GRIK1: variants seen among roughly 807,000 people sequenced by gnomAD.
The protein encoded by GRIK1 is glutamate ionotropic receptor kainate type subunit 1.
Under a neutral mutation model 105.7 loss-of-function variants are expected in GRIK1, and 69 were observed. The ratio of observed to expected loss-of-function variants is 0.65; its 90% CI spans 0.54 to 0.80. GRIK1 has a LOEUF of 0.80. Among genes scored for constraint, GRIK1 ranks in the 30% least tolerant of loss-of-function variants. The pLI is 0.00. For missense variants in GRIK1, 1,109 were observed against 1,167.3 expected, an observed-to-expected ratio of 0.95 and a Z score of 0.73; for synonymous variants, 438 against 431.3, an observed-to-expected ratio of 1.02 and a Z score of -0.19.
chr21:29,709,308 T>G (rs1174756180), intron 1 of GRIK1, among the ~76,000 whole-genome samples: 1 of 143,356 alleles, frequency 7.0e-6, no homozygotes, highest in Non-Finnish European at 1.5e-5. Context: ...TGAGACAGAG[T>G]CTAGCTCTGT....
intron 1 of GRIK1, among the ~76,000 whole-genome samples, chr21:29,701,333 C>A (rs2146768924): frequency 6.6e-6 from 1 of 152,082 alleles, no homozygotes; most frequent in South Asian, 2.1e-4. Flanking sequence ...CACTTTTGAG[C>A]AAAAGCCTAA....
intron 1 of GRIK1, among the ~76,000 whole-genome samples, chr21:29,807,619 A>T (rs1433119397): frequency 6.6e-6 from 1 of 152,088 alleles, no homozygotes; most frequent in Admixed American, 6.6e-5. Flanking sequence ...AATAATTTTT[A>T]AAATCTATAA....
At chr21:29,541,184 T>C (rs917568148) in intron 16 of GRIK1, among the ~76,000 whole-genome samples, 15 of 152,312 alleles carry the variant, frequency 9.8e-5, no homozygotes, top group African/African-American at 3.6e-4. Flanking sequence ...GCCGGGATGG[T>C]CTTGATCTCC....
chr21:29,926,099 A>G (rs1326414281), intron 1 of GRIK1, among the ~76,000 whole-genome samples: 3 of 48,850 alleles, frequency 6.1e-5, no homozygotes, highest in African/African-American at 2.5e-4. Context: ...CTAGATCATA[A>G]AAAGCTAAAA....
At chr21:29,848,029 T>C (rs1190669452) in intron 1 of GRIK1, among the ~76,000 whole-genome samples, 2 of 151,470 alleles carry the variant, frequency 1.3e-5, no homozygotes, top group African/African-American at 4.9e-5. Flanking sequence ...CTCTCTCAGT[T>C]ACCCAGGGTT....
chr21:29,796,019 A>G (rs1183422297), intron 1 of GRIK1, among the ~76,000 whole-genome samples: 1 of 152,194 alleles, frequency 6.6e-6, no homozygotes, highest in Non-Finnish European at 1.5e-5. Context: ...TAAGATGGAC[A>G]CAATTTGTTT....
intron 7 of GRIK1, among the ~76,000 whole-genome samples, chr21:29,628,223 T>C (rs945714782): frequency 3.9e-5 from 6 of 152,312 alleles, no homozygotes; most frequent in African/African-American, 1.2e-4. Flanking sequence ...ACAATAATGG[T>C]GATGAAAATA....
At chr21:29,636,042 G>A (rs2146502122) in intron 7 of GRIK1, among the ~76,000 whole-genome samples, 1 of 152,306 alleles carries the variant, frequency 6.6e-6, no homozygotes, top group South Asian at 2.1e-4. Flanking sequence ...AAAGCACAGA[G>A]CAGCCCAGCC....
chr21:29,686,828 C>A (rs1159280523), intron 3 of GRIK1, among the ~76,000 whole-genome samples: 2 of 152,324 alleles, frequency 1.3e-5, no homozygotes, highest in East Asian at 3.9e-4. Context: ...ATATGCCACA[C>A]ACTGCAGTTG....
intron 1 of GRIK1, among the ~76,000 whole-genome samples, chr21:29,741,806 G>A (rs1392483479): frequency 1.3e-5 from 2 of 152,160 alleles, no homozygotes; most frequent in East Asian, 1.9e-4. Context: ...TGTTTCCACA[G>A]GTCGAGTGGT....
chr21:29,833,860 A>G (rs467445), intron 1 of GRIK1, among the ~76,000 whole-genome samples: 59,139 of 152,078 alleles, frequency 0.39, 12,589 homozygotes, highest in East Asian at 0.7. Context: ...CTTAACTGCC[A>G]TGAATATGGA....
At chr21:29,670,569 T>C (rs2063144356) in intron 4 of GRIK1, among the ~76,000 whole-genome samples, 1 of 152,206 alleles carries the variant, frequency 6.6e-6, no homozygotes, top group South Asian at 2.1e-4. Context: ...CAGACCTGCC[T>C]TTGGGAGAGA....
chr21:29,715,046 A>T (rs987311988), intron 1 of GRIK1, among the ~76,000 whole-genome samples: 1 of 152,086 alleles, frequency 6.6e-6, no homozygotes, highest in Non-Finnish European at 1.5e-5. Context: ...TATTGGATGA[A>T]CTCTTAAATG....
chr21:29,672,340 T>G (rs2063175250), intron 4 of GRIK1, among the ~76,000 whole-genome samples: 1 of 152,152 alleles, frequency 6.6e-6, no homozygotes. Flanking sequence ...TTCTTAAACT[T>G]AAGACCAAGT....
intron 1 of GRIK1, among the ~76,000 whole-genome samples, chr21:29,756,294 T>A (rs896135548): frequency 3.3e-5 from 5 of 151,598 alleles, no homozygotes; most frequent in African/African-American, 7.3e-5. Context: ...GGCAGGAGAA[T>A]GGCGTGAACC....
chr21:29,812,803 C>T (rs1384150062), intron 1 of GRIK1, among the ~76,000 whole-genome samples: 1 of 152,174 alleles, frequency 6.6e-6, no homozygotes, highest in Admixed American at 6.5e-5. Flanking sequence ...ATTAAAAGGT[C>T]TGCCTAGATC....
chr21:29,685,970 A>C (rs1334939710), intron 3 of GRIK1, among the ~76,000 whole-genome samples: 4 of 152,236 alleles, frequency 2.6e-5, no homozygotes, highest in African/African-American at 7.2e-5. Context: ...GCCCTGACCC[A>C]TGCTCAGGAG....
intron 1 of GRIK1, among the ~76,000 whole-genome samples, chr21:29,792,712 G>A (rs964982554): frequency 6.6e-6 from 1 of 152,172 alleles, no homozygotes; most frequent in Non-Finnish European, 1.5e-5. Context: ...AGTTCCGAAG[G>A]CATGGTGTGG....
rs528158419 is a variant in GRIK1, at chr21:29,641,931, C to T, written c.1098+895G>A. On this transcript the variant is annotated intron_variant, in intron 7 of 17. Transcript: ENST00000327783. Reference sequence around the variant, plus strand: ...TTAGCTGGGTATTCTCCTGTGCCCTCCCTCTTCTTTACACTATATTTCCAT... The same window carrying T: ...TTAGCTGGGTATTCTCCTGTGCCCTTCCTCTTCTTTACACTATATTTCCAT... 2.6e-5 allele frequency among the ~76,000 whole-genome samples: 4 copies of T among 152,266 alleles called. No individual in the cohort carries two copies. In the South Asian group the frequency reaches 8.3e-4, roughly 32 times the overall value.
Sources: gnomAD v4.1 joint callset for allele counts (sites outside exome capture counted in the v4.1 genomes callset) on GRCh38, gnomAD v4.1.1 for gene constraint, MANE v1.5 for transcripts, NCBI Gene and HGNC (gene_info 2026-07-23, HGNC 2026-07-21) for gene names.